MAP1LC3C: variants seen among roughly 807,000 people sequenced by gnomAD.
MAP1LC3C encodes the protein microtubule associated protein 1 light chain 3 gamma.
In MAP1LC3C, 12 loss-of-function variants were observed where a neutral mutation model predicts 10.4. The ratio of observed to expected loss-of-function variants is 1.15; its 90% CI spans 0.74 to 1.86. The LOEUF is 1.86. Among genes scored for constraint, MAP1LC3C ranks in the 40% most tolerant of loss-of-function variants. The pLI, the probability that MAP1LC3C is intolerant of heterozygous loss-of-function variation, is 0.00. For missense variants in MAP1LC3C, 177 were observed against 185.7 expected, an observed-to-expected ratio of 0.95 and a Z score of 0.27; for synonymous variants, 70 against 69.0, an observed-to-expected ratio of 1.01 and a Z score of -0.07.
intron 3 of MAP1LC3C, 32 bp downstream of exon 3, chr1:241,998,482 C>A: frequency 6.2e-7 from 1 of 1,602,178 alleles, no homozygotes. Context: ...ACCCAGCGCA[C>A]CTTCCTCCGG....
chr1:241,998,384 C>CA (rs1402751018), intron 3 of MAP1LC3C, 130 bp downstream of exon 3: 14 of 709,824 alleles, frequency 2.0e-5, no homozygotes, highest in Non-Finnish European at 3.1e-5. Context: ...AAGGTGACTT[C>CA]AAAAAAATCT....
At chr1:241,997,564 G>A (rs753194803) in intron 3 of MAP1LC3C, among the ~76,000 whole-genome samples, 2 of 152,172 alleles carry the variant, frequency 1.3e-5, no homozygotes, top group Non-Finnish European at 2.9e-5. Flanking sequence ...AAAACAGGCT[G>A]CAACAGCGAT....
chr1:241,996,142 A>C lies in MAP1LC3C; in HGVS notation c.*21T>G, dbSNP rs202097500. On this transcript the variant is annotated 3_prime_UTR_variant, in exon 4 of 4. Transcript: ENST00000357246. ...CAGCATCTGACACGTCTGTCAGAGC[A>C]CACATCCTTCCCGACATGGGCTAGA... 2,981 of 1,601,272 alleles carry C rather than the reference A, an allele frequency of 1.9e-3. 6 individuals are homozygous for C. Among genetic ancestry groups the C allele is most frequent in the Non-Finnish European group, 2.4e-3 (2,802 of 1,170,576 alleles).
At chr1:241,998,716 A>G in intron 2 of MAP1LC3C, 60 bp downstream of exon 2, 1 of 1,611,524 alleles carries the variant, frequency 6.2e-7, no homozygotes, top group South Asian at 1.1e-5. Context: ...TTGGTTTTTC[A>G]GAGAACAGGA....
upstream of MAP1LC3C, among the ~76,000 whole-genome samples, chr1:242,000,347 TTC>T (rs1665174422): frequency 1.3e-5 from 2 of 152,160 alleles, no homozygotes; most frequent in African/African-American, 4.8e-5. Context: ...TTCAAGCGAT[TTC>T]TCCCGAGTAG....
Position 241,998,494 on chromosome 1 carries a change from G to C in MAP1LC3C, c.221+20C>G, listed in dbSNP as rs1371082100. On this transcript the variant is annotated intron_variant, in intron 3 of 3. Transcript: ENST00000357246. The stretch of plus-strand genomic sequence containing the variant: ...CGCACCCAGCGCACCTTCCTCCGGG[G>C]CACGCTCTGCGCCACCTACCGGATG... The C allele has an allele frequency of 6.2e-7, 1 of 1,609,414 alleles. No individual in the cohort carries two copies. The highest frequency in any genetic ancestry group is 8.5e-7 in the Non-Finnish European group (1 of 1,175,850).
At chr1:241,998,018 ATTCTTTT>A (rs1558179194) in intron 3 of MAP1LC3C, among the ~76,000 whole-genome samples, 1 of 89,390 alleles carries the variant, frequency 1.1e-5, no homozygotes, top group Non-Finnish European at 2.1e-5. Context: ...AAATAGAGTA[ATTCTTTT>A]TTTTTTTTTT....
chr1:242,000,131 C>A (rs1209293247), upstream of MAP1LC3C, among the ~76,000 whole-genome samples: 1 of 152,236 alleles, frequency 6.6e-6, no homozygotes, highest in Admixed American at 6.5e-5. Flanking sequence ...GTCCTCCAAT[C>A]CAACTCTGAC....
At chr1:242,001,127 A>T (rs1665187907), upstream of MAP1LC3C, among the ~76,000 whole-genome samples, 1 of 152,088 alleles carries the variant, frequency 6.6e-6, no homozygotes, top group Non-Finnish European at 1.5e-5. Context: ...ATACAAAAAA[A>T]TTAGCTGGGC....
At position 241,995,521 on chromosome 1, in the gene MAP1LC3C, C is replaced by T. The variant is rs1665066711; in HGVS notation, c.*642G>A. 3 of 152,202 alleles carry T rather than the reference C, an allele frequency of 2.0e-5. No homozygotes were observed. Among genetic ancestry groups the T allele is most frequent in the Non-Finnish European group, 4.4e-5 (3 of 68,078 alleles). 9.4% of individuals were successfully genotyped at this position (152,202 alleles called of 1,614,324 possible). A position where few individuals can be genotyped will look rare whatever the true frequency, so the allele number is the denominator to read the frequency against. ...CTGCCCACATGCAGGGAGTGAAACC[C>T]ACTCCTTAATGGCCCTCCCACATAT... On this transcript the variant is annotated 3_prime_UTR_variant, in exon 4 of 4. Transcript: ENST00000357246.
chr1:241,998,373 A>G, intron 3 of MAP1LC3C, 141 bp downstream of exon 3: 1 of 672,098 alleles, frequency 1.5e-6, no homozygotes, highest in East Asian at 2.7e-5. Context: ...AGTGAATCTA[A>G]AAGGTGACTT....
At chr1:241,996,974 T>C (rs1665098322) in intron 3 of MAP1LC3C, among the ~76,000 whole-genome samples, 3 of 144,692 alleles carry the variant, frequency 2.1e-5, no homozygotes, top group African/African-American at 7.6e-5. Flanking sequence ...TGATGCACAG[T>C]CTCGCTGATA....
rs761102459 is a variant in MAP1LC3C at position 241,998,505 on chromosome 1, G to T, written c.221+9C>A. On this transcript the variant is annotated intron_variant, in intron 3 of 3. Transcript: ENST00000357246. ...CACCTTCCTCCGGGGCACGCTCTGC[G>T]CCACCTACCGGATGATGCTGAGGAA... 1.9e-6 allele frequency: 3 copies of T among 1,612,742 alleles called. No individual in the cohort carries two copies. Among genetic ancestry groups the T allele is most frequent in the African/African-American group, 1.3e-5 (1 of 75,028 alleles).
chr1:241,998,771 C>A lies in MAP1LC3C; in HGVS notation c.114+5G>T. 6.2e-7 allele frequency: 1 copy of A among 1,614,056 alleles called. No individual in the cohort carries two copies. The highest frequency in any genetic ancestry group is 8.5e-7 in the Non-Finnish European group (1 of 1,180,006). ...CCCCCCAGCGGAAGTCCAGTGGTGTCTTACCGGGATTTTGTTGGGGAACTT... is the reference window on the plus strand; with the variant it reads ...CCCCCCAGCGGAAGTCCAGTGGTGTATTACCGGGATTTTGTTGGGGAACTT... On this transcript the variant is annotated splice_donor_5th_base_variant and intron_variant, in intron 2 of 3. Coordinates refer to ENST00000357246, the MANE Select transcript of MAP1LC3C (RefSeq NM_001004343.3).
At chr1:241,998,027 T>C (rs922911524) in intron 3 of MAP1LC3C, among the ~76,000 whole-genome samples, 2 of 141,388 alleles carry the variant, frequency 1.4e-5, no homozygotes, top group Non-Finnish European at 1.5e-5. Flanking sequence ...AATTCTTTTT[T>C]TTTTTTTTTT....
intron 3 of MAP1LC3C, among the ~76,000 whole-genome samples, 171 bp downstream of exon 3, chr1:241,998,343 G>A (rs1665128770): frequency 6.6e-6 from 1 of 152,110 alleles, no homozygotes; most frequent in South Asian, 2.1e-4. Context: ...GTAATTCTAA[G>A]AGCATCTTTT....
intron 3 of MAP1LC3C, 74 bp downstream of exon 3, chr1:241,998,440 G>T: frequency 7.6e-7 from 1 of 1,317,262 alleles, no homozygotes; most frequent in Non-Finnish European, 1.1e-6. Flanking sequence ...AAATAAAACT[G>T]CCAAACGAAG....
Position 241,998,800 on chromosome 1 carries a change from C to T in MAP1LC3C, c.90G>A (p.Arg30=), listed in dbSNP as rs1039528215. The change falls in exon 2 of 4, where the codon CGG becomes CGA. Residue 30 remains arginine, a synonymous_variant. Transcript: ENST00000357246. ...CCGGGATTTTGTTGGGGAACTTTGC[C>T]CGGATTCCAGCAACTTCCTCTTGTC... ...AIRQEEVAGI[R]AKFPNKIPVV... 2 of 1,614,088 alleles carry T rather than the reference C, an allele frequency of 1.2e-6. No homozygotes were observed. The highest frequency in any genetic ancestry group is 2.2e-5 in the East Asian group (1 of 44,874).
At chr1:241,998,903 T>A in intron 1 of MAP1LC3C, 48 bp downstream of exon 1, 1 of 1,613,224 alleles carries the variant, frequency 6.2e-7, no homozygotes, top group Non-Finnish European at 8.5e-7. Flanking sequence ...GAAGGCCAGA[T>A]CCGCTCCTCT....
Sources: allele counts gnomAD v4.1 joint callset (sites outside exome capture counted in the v4.1 genomes callset), GRCh38; gene constraint gnomAD v4.1.1; transcripts MANE v1.5; gene names NCBI Gene and HGNC (gene_info 2026-07-23, HGNC 2026-07-21).